Variants in MYH7B observed in about 807,000 individuals in gnomAD.
MYH7B encodes myosin heavy chain 7B.
In MYH7B, 205 loss-of-function variants were observed where a neutral mutation model predicts 234.5. The observed-to-expected ratio is 0.87, with a 90% CI of 0.78 to 0.98. The LOEUF is 0.98. MYH7B is among the 50% of genes least tolerant of loss of function. The pLI is 0.00. For synonymous variants in MYH7B, 1,193 were observed against 1,105.0 expected (o/e 1.08, Z -1.58); for missense variants, 2,652 against 2,633.4 (o/e 1.01, Z -0.15).
rs777122555 is a variant in MYH7B at position 34,989,945 on chromosome 20, C to G, written c.1767+26C>G. Reference sequence around the variant, plus strand: ...GTAGGTGCTTGCTGGAACCCCAGCCCTCGGCCAGGCTCCTCCCGCCCTGCT... The same window carrying G: ...GTAGGTGCTTGCTGGAACCCCAGCCGTCGGCCAGGCTCCTCCCGCCCTGCT... On this transcript the variant is annotated intron_variant, in intron 20 of 44. Transcript: ENST00000262873. 1.6e-5 allele frequency: 25 copies of G among 1,612,724 alleles called. No individual in the cohort carries two copies. The Admixed American group carries it at 4.0e-4, about 26-fold the overall frequency.
At chr20:34,988,104 G>A (rs200355795) in exon 19 of MYH7B, 3 of 1,613,398 alleles carry the variant, frequency 1.9e-6, no homozygotes, top group South Asian at 1.1e-5. Context: ...CAACAGCTTC[G>A]AACAGCTGTG....
At chr20:34,967,492 C>T (rs1442826377) in intron 2 of MYH7B, among the ~76,000 whole-genome samples, 1 of 151,966 alleles carries the variant, frequency 6.6e-6, no homozygotes, top group African/African-American at 2.4e-5. Context: ...CCTTTTGGGC[C>T]TCCCTCTGCC....
At chr20:34,971,565 C>A (rs1265023004) in intron 2 of MYH7B, among the ~76,000 whole-genome samples, 3 of 152,182 alleles carry the variant, frequency 2.0e-5, no homozygotes, top group African/African-American at 7.2e-5. Context: ...GGGGTACAAA[C>A]CTGGGACAAG....
intron 36 of MYH7B, 81 bp from the exon 37 acceptor site, chr20:34,999,490 C>T: frequency 6.6e-7 from 1 of 1,526,388 alleles, no homozygotes; most frequent in Non-Finnish European, 8.8e-7. Context: ...GTGGGGCCAC[C>T]CTGGAATCAG....
intron 24 of MYH7B, 90 bp from the exon 25 acceptor site, chr20:34,993,012 C>T (rs770252163): frequency 2.1e-5 from 32 of 1,495,826 alleles, no homozygotes; most frequent in Middle Eastern, 1.8e-4. Context: ...GCTACCCACA[C>T]GAGCCTCCTC....
intron 9 of MYH7B, 106 bp downstream of exon 9, chr20:34,981,166 G>C: frequency 1.4e-6 from 2 of 1,429,766 alleles, no homozygotes; most frequent in Non-Finnish European, 1.9e-6. Flanking sequence ...GCTTAGGCCA[G>C]GACTTTTACC....
At chr20:34,994,033 A>C in intron 26 of MYH7B, 113 bp from the exon 27 acceptor site, 1 of 1,368,796 alleles carries the variant, frequency 7.3e-7, no homozygotes, top group Non-Finnish European at 1.0e-6. Flanking sequence ...CAGAGCTATT[A>C]GGAGCTACTC....
At chr20:34,996,641 A>C in exon 30 of MYH7B, 1 of 1,612,842 alleles carries the variant, frequency 6.2e-7, no homozygotes, top group Non-Finnish European at 8.5e-7. Flanking sequence ...CAGGAGAAGA[A>C]GCTGCGCATG....
chr20:34,985,589 C>CT lies in MYH7B; in HGVS notation c.805+460_805+461insT, dbSNP rs2082005543. 2.0e-5 allele frequency among the ~76,000 whole-genome samples: 3 copies of CT among 151,840 alleles called. No homozygotes were observed. The South Asian group carries it at 6.2e-4, about 32-fold the overall frequency. On this transcript the variant is annotated intron_variant, in intron 13 of 44. Coordinates refer to ENST00000262873, the Ensembl canonical transcript of MYH7B. ...CCGCTGGGAAGTGCCCCAGTACCACCAGCTGCATAGACCCCAGGCGCCTAG... is the reference window on the plus strand; with the variant it reads ...CCGCTGGGAAGTGCCCCAGTACCACCTAGCTGCATAGACCCCAGGCGCCTAG...
chr20:35,000,839 G>T, exon 40 of MYH7B: 4 of 1,613,900 alleles, frequency 2.5e-6, no homozygotes, highest in Non-Finnish European at 3.4e-6. Context: ...AGGTGGAGGA[G>T]GCTGCACAGG....
chr20:34,988,266 G>A lies in MYH7B; in HGVS notation c.1587+4G>A, dbSNP rs771814945. On this transcript the variant is annotated splice_donor_region_variant and intron_variant, in intron 19 of 44. Coordinates refer to ENST00000262873, the Ensembl canonical transcript of MYH7B. ...TTGCATCGACCTCATCGAGAAGGTG[G>A]GTGCCGCGGCAAGGTCACTTTGAGG... is the stretch of plus-strand genomic sequence containing the variant. 2.5e-6 allele frequency: 4 copies of A among 1,609,214 alleles called. No individual in the cohort carries two copies. The Admixed American group carries it at 6.7e-5, about 27-fold the overall frequency.
chr20:34,990,510 G>T, intron 22 of MYH7B, 200 bp downstream of exon 22: 1 of 864,422 alleles, frequency 1.2e-6, no homozygotes, highest in South Asian at 1.3e-5. Context: ...GTGGGGAAGG[G>T]GTGGGAGCCC....
Position 34,998,722 on chromosome 20 carries a change from A to T in MYH7B, c.3997A>T (p.Lys1333Ter). The T allele has an allele frequency of 6.2e-7, 1 of 1,611,492 alleles. No homozygotes were observed. Among genetic ancestry groups the T allele is most frequent in the Non-Finnish European group, 8.5e-7 (1 of 1,179,230 alleles). Residue 1333 changes from lysine to a stop codon, truncating the protein, a stop_gained, in exon 35 of 45, where the codon AAG (lysine) becomes TAG (stop). Transcript: ENST00000262873. LOFTEE classifies it high-confidence loss of function. The stretch of plus-strand genomic sequence containing the variant: ...GAGGTCACTGGTGTCCCTGCAGGCC[A>T]AGAGTGCCCTGGCCCACGCCGTGCA...
Position 35,001,583 on chromosome 20 carries a change from C to A in MYH7B, c.5676+57C>A, listed in dbSNP as rs1213179599. 3 of 1,482,854 alleles carry A rather than the reference C, an allele frequency of 2.0e-6. No individual in the cohort carries two copies. The African/African-American group carries it at 4.2e-5, about 21-fold the overall frequency. 91.9% of individuals were successfully genotyped at this position (1,482,854 alleles called of 1,614,324 possible). A position where few individuals can be genotyped will look rare whatever the true frequency, so the allele number is the denominator to read the frequency against. On this transcript the variant is annotated intron_variant, in intron 43 of 44. Transcript: ENST00000262873. ...GGGCACCCCAGCTCTGCCCCAGGGT[C>A]TGTGGCCAGGTGAGGCATCAGCAGC...
At chr20:34,994,006 C>T (rs2082204954) in intron 26 of MYH7B, 140 bp from the exon 27 acceptor site, 4 of 1,151,930 alleles carry the variant, frequency 3.5e-6, no homozygotes, top group East Asian at 2.4e-5. Context: ...GGCCTCCCCT[C>T]ACCCTCACCT....
At chr20:34,988,754 A>G (rs1033712944) in intron 19 of MYH7B, among the ~76,000 whole-genome samples, 2 of 151,774 alleles carry the variant, frequency 1.3e-5, no homozygotes, top group African/African-American at 4.8e-5. Context: ...CCCCATTCCT[A>G]TCACAGCCAG....
rs2081822690 is a variant in MYH7B at position 34,974,225 on chromosome 20, C to G, written c.-221-1175C>G. Among the ~76,000 whole-genome samples, 5 of 143,882 alleles carry G rather than the reference C, an allele frequency of 3.5e-5. No individual in the cohort carries two copies. The South Asian group carries it at 8.6e-4, about 25-fold the overall frequency. The allele number at this position is 143,882 out of a possible 152,430, so 94.4% of individuals were successfully genotyped here. On this transcript the variant is annotated intron_variant, in intron 2 of 44. Coordinates refer to ENST00000262873, the Ensembl canonical transcript of MYH7B. Reference sequence around the variant, plus strand: ...GACAGGCATGAGCCACCATGCCCAGCCTTTTTTTTTTTTTTTTTTTTTTAA... The same window carrying G: ...GACAGGCATGAGCCACCATGCCCAGGCTTTTTTTTTTTTTTTTTTTTTTAA...
intron 2 of MYH7B, among the ~76,000 whole-genome samples, chr20:34,974,071 C>A (rs1295148015): frequency 6.6e-6 from 1 of 152,066 alleles, no homozygotes. Flanking sequence ...ATTACAGGCG[C>A]CTGCCACCAT....
chr20:34,995,205 C>T (rs1399599036), intron 27 of MYH7B, 131 bp from the exon 28 acceptor site: 3 of 858,544 alleles, frequency 3.5e-6, no homozygotes, highest in African/African-American at 3.5e-5. Flanking sequence ...CGAGTCAAGA[C>T]ATTCCTGAGT....
Sources: allele counts gnomAD v4.1 joint callset (sites outside exome capture counted in the v4.1 genomes callset), GRCh38; gene constraint gnomAD v4.1.1; transcripts MANE v1.5; gene names NCBI Gene and HGNC (gene_info 2026-07-23, HGNC 2026-07-21).